CECR2: variants seen among roughly 807,000 people sequenced by gnomAD.
CECR2 encodes CECR2 histone acetyl-lysine reader, also known as chromatin remodeling regulator CECR2.
In CECR2, 30 loss-of-function variants were observed where a neutral mutation model predicts 154.5. The ratio of observed to expected loss-of-function variants is 0.19; its 90% CI spans 0.15 to 0.26. The LOEUF (loss-of-function observed/expected upper bound fraction) is 0.26. CECR2 is among the 10% of genes least tolerant of loss of function. CECR2 has a pLI of 1.00. For missense variants in CECR2, 1,743 were observed against 1,829.3 expected (o/e 0.95, Z 0.86); for synonymous variants, 725 against 683.7 (o/e 1.06, Z -0.94).
intron 16 of CECR2, among the ~76,000 whole-genome samples, chr22:17,543,247 C>T (rs964833757): frequency 1.3e-5 from 2 of 152,112 alleles, no homozygotes; most frequent in African/African-American, 2.4e-5. Context: ...ATTCTTCGGC[C>T]TCAGCCTCCC....
At chr22:17,470,702 T>A (rs1397403356) in intron 1 of CECR2, among the ~76,000 whole-genome samples, 2 of 152,154 alleles carry the variant, frequency 1.3e-5, no homozygotes, top group Admixed American at 1.3e-4. Context: ...TTACTGACTG[T>A]GTGTCTGAAA....
intron 16 of CECR2, among the ~76,000 whole-genome samples, chr22:17,544,202 A>G (rs946045751): frequency 6.6e-6 from 1 of 152,134 alleles, no homozygotes; most frequent in African/African-American, 2.4e-5. Flanking sequence ...TGTCTCTACT[A>G]AAACATTAAA....
intron 1 of CECR2, among the ~76,000 whole-genome samples, chr22:17,360,314 A>G (rs1337053893): frequency 1.3e-5 from 2 of 152,230 alleles, no homozygotes; most frequent in Non-Finnish European, 2.9e-5. Context: ...ACAGCAAGCT[A>G]TGATTGCTTC....
At chr22:17,415,244 T>C (rs983123867) in intron 1 of CECR2, among the ~76,000 whole-genome samples, 2 of 152,132 alleles carry the variant, frequency 1.3e-5, no homozygotes, top group African/African-American at 2.4e-5. Context: ...TTTGTTCTTC[T>C]TTTTTTCTTC....
At chr22:17,370,921 G>T (rs1301075299) in intron 1 of CECR2, among the ~76,000 whole-genome samples, 8 of 152,264 alleles carry the variant, frequency 5.3e-5, no homozygotes, top group African/African-American at 1.4e-4. Context: ...TTTGCCTTTG[G>T]ACAAAGGTGA....
In CECR2 at chr22:17,396,072, T is replaced by G. The variant is rs566038358; in HGVS notation, c.126+26163T>G. Among the ~76,000 whole-genome samples the G allele has an allele frequency of 4.7e-5, 7 of 150,384 alleles. No homozygotes were observed. In the South Asian group the frequency reaches 1.5e-3, roughly 32 times the overall value. On this transcript the variant is annotated intron_variant, in intron 1 of 18. Transcript: ENST00000262608. ...CGGGGCAATATATCGAGACCTCGTC[T>G]CTACGAAAATAAAAAAAAAAACAAC...
At chr22:17,389,979 A>G (rs1359107077) in intron 1 of CECR2, among the ~76,000 whole-genome samples, 1 of 152,212 alleles carries the variant, frequency 6.6e-6, no homozygotes, top group African/African-American at 2.4e-5. Flanking sequence ...GGAACTTAAT[A>G]CTGAGTAAGA....
upstream of CECR2, among the ~76,000 whole-genome samples, chr22:17,367,369 C>T (rs116585393): frequency 0.014 from 2,102 of 152,048 alleles, 53 homozygotes; most frequent in African/African-American, 0.048. Flanking sequence ...CAGGGAAACG[C>T]AGTAACACTT....
At chr22:17,376,303 C>T (rs191701202) in intron 1 of CECR2, among the ~76,000 whole-genome samples, 114 of 152,132 alleles carry the variant, frequency 7.5e-4, no homozygotes, top group Middle Eastern at 3.4e-3. Flanking sequence ...GAAGGGGCAG[C>T]GCCTTCTCAT....
At chr22:17,504,197 C>A (rs554309324) in intron 6 of CECR2, among the ~76,000 whole-genome samples, 71 of 151,914 alleles carry the variant, frequency 4.7e-4, no homozygotes, top group African/African-American at 1.7e-3. Flanking sequence ...CATGGCAAAA[C>A]CCTGTCTCTA....
chr22:17,419,518 AAG>A (rs2054209806), intron 1 of CECR2: 1 of 177,132 alleles, frequency 5.6e-6, no homozygotes, highest in Non-Finnish European at 1.1e-5. Context: ...GAGGAAGAAG[AAG>A]AAGAAGAAGA....
At chr22:17,546,030 C>T (rs55951662) in intron 16 of CECR2, among the ~76,000 whole-genome samples, 15,483 of 151,486 alleles carry the variant, frequency 0.1, 865 homozygotes, top group African/African-American at 0.13. Context: ...CCAGCCTGGG[C>T]GACAGAGTTG....
chr22:17,370,807 C>T (rs965261739), intron 1 of CECR2, among the ~76,000 whole-genome samples: 4 of 152,200 alleles, frequency 2.6e-5, no homozygotes, highest in African/African-American at 9.6e-5. Flanking sequence ...CCCCCTTTCT[C>T]CTATTTTTAT....
Position 17,549,529 on chromosome 22 carries a change from A to G in CECR2, c.4242A>G (p.Ile1414Met). The G allele has an allele frequency of 6.2e-7, 1 of 1,602,648 alleles. No individual in the cohort carries two copies. The highest frequency in any genetic ancestry group is 8.5e-7 in the Non-Finnish European group (1 of 1,174,776). ...AACAAATTGGCACTAGAAGTGGAAT[A>G]AGAGGACCTTTCCAGGAAATGTACA... ...MMEQIGTRSGIRGPFQEMYRP... is the reference protein window; with the variant it reads ...MMEQIGTRSGMRGPFQEMYRP... Residue 1414 changes from isoleucine to methionine, a missense_variant, in exon 17 of 19, where the codon ATA becomes ATG. Physicochemically the swap from Ile to Met is conservative, Grantham distance 10. This residue lies in a region of CECR2 where 1,250 missense variants were observed against 1,192.1 expected (regional missense o/e 1.05). Coordinates refer to ENST00000262608, the MANE Select transcript of CECR2 (RefSeq NM_001290047.2).
chr22:17,381,796 G>C (rs1293311296), intron 1 of CECR2, among the ~76,000 whole-genome samples: 1 of 152,144 alleles, frequency 6.6e-6, no homozygotes, highest in African/African-American at 2.4e-5. Flanking sequence ...CAGAGATGGC[G>C]AGTGAAACGC....
At chr22:17,437,359 T>G (rs2146655000) in intron 1 of CECR2, among the ~76,000 whole-genome samples, 1 of 152,212 alleles carries the variant, frequency 6.6e-6, no homozygotes, top group East Asian at 1.9e-4. Context: ...TTGTTGAAGC[T>G]CCACAGGATC....
intron 1 of CECR2, among the ~76,000 whole-genome samples, chr22:17,458,466 A>C (rs1205640889): frequency 6.6e-6 from 1 of 151,448 alleles, no homozygotes; most frequent in Non-Finnish European, 1.5e-5. Flanking sequence ...ACTGCATGTA[A>C]AACTGGTGCA....
chr22:17,482,137 A>AAT (rs2055335305), intron 2 of CECR2, among the ~76,000 whole-genome samples: 1 of 96,358 alleles, frequency 1.0e-5, no homozygotes, highest in South Asian at 3.5e-4. Context: ...AAAAAAAAAA[A>AAT]AAAAGGGCGT....
rs372166419 is a variant in CECR2 at position 17,511,828 on chromosome 22, C to T, written c.886C>T (p.Arg296Cys). ...MIAQKGKRPQ[R>C]TKAELHPRWM... Reference sequence around the variant, plus strand: ...CTAACTATAGGGAAAACGTCCACAGCGCACAAAGGCAGAGTTGCATCCTAG... The same window carrying T: ...CTAACTATAGGGAAAACGTCCACAGTGCACAAAGGCAGAGTTGCATCCTAG... Residue 296 changes from arginine (R) to cysteine (C), a missense_variant, in exon 8 of 19, where the codon CGC becomes TGC. Arg to Cys is a radical substitution (Grantham distance 180). This residue lies in a region of CECR2 where 292 missense variants were observed against 301.2 expected (regional missense o/e 0.97). Transcript: ENST00000262608. 56 of 1,612,168 alleles carry T rather than the reference C, an allele frequency of 3.5e-5. No homozygotes were observed. Among genetic ancestry groups the T allele is most frequent in the Admixed American group, 1.5e-4 (9 of 59,864 alleles).
Sources: gnomAD v4.1 joint callset for allele counts (sites outside exome capture counted in the v4.1 genomes callset) on GRCh38, gnomAD v4.1.1 for gene constraint, gnomAD v4.1.1 regional missense constraint, MANE v1.5 for transcripts, NCBI Gene and HGNC (gene_info 2026-07-23, HGNC 2026-07-21) for gene names.